ERAP1: variants seen among roughly 807,000 people sequenced by gnomAD.
ERAP1 encodes the protein adipocyte-derived leucine aminopeptidase.
Under a neutral mutation model 103.7 loss-of-function variants are expected in ERAP1, and 86 were observed. The observed-to-expected ratio is 0.83, with a 90% CI of 0.70 to 0.99. ERAP1 has a LOEUF of 0.99. Ranked by LOEUF, ERAP1 falls within the 50% of genes least tolerant of loss-of-function variation. The probability of loss-of-function intolerance (pLI) is 0.00; values close to 1 mark genes in which losing one functional copy is unlikely to be tolerated. For missense variants in ERAP1, 1,009 were observed against 1,128.4 expected, an observed-to-expected ratio of 0.89 and a Z score of 1.52; for synonymous variants, 398 against 402.4, an observed-to-expected ratio of 0.99 and a Z score of 0.13.
At chr5:96,909,052 T>C in the ERAP1 span, 4 of 1,614,184 alleles carry the variant, frequency 2.5e-6, no homozygotes, top group South Asian at 4.4e-5. Context: ...AGGTCTGAGT[T>C]ACTTGGAATC....
chr5:96,932,943 C>T, the ERAP1 span, among the ~76,000 whole-genome samples: 2 of 152,006 alleles, frequency 1.3e-5, no homozygotes, highest in Non-Finnish European at 2.9e-5. Context: ...GATAATGAAT[C>T]GTAACTTCAT....
chr5:96,802,583 C>T (rs994893736), intron 2 of ERAP1, among the ~76,000 whole-genome samples: 3 of 152,136 alleles, frequency 2.0e-5, no homozygotes, highest in African/African-American at 7.2e-5. Flanking sequence ...AGCATAAAAT[C>T]TCCCCCAAAT....
chr5:96,896,991 G>A, the ERAP1 span: 1 of 349,318 alleles, frequency 2.9e-6, no homozygotes, highest in Non-Finnish European at 3.9e-6. Context: ...TGTTGTCATG[G>A]TCTATAGAAG....
intron 1 of ERAP1, among the ~76,000 whole-genome samples, 135 bp downstream of exon 1, chr5:96,807,708 TCCCGCGCCCCGTCTCCC>T (rs1778804197): frequency 6.6e-6 from 1 of 151,692 alleles, no homozygotes; most frequent in Middle Eastern, 3.2e-3. Context: ...GTCGCCTTCC[TCCCGCGCCCCGTCTCCC>T]TCCTCCCGTG....
the ERAP1 span, among the ~76,000 whole-genome samples, chr5:96,894,473 C>T: frequency 6.6e-6 from 1 of 151,730 alleles, no homozygotes. Flanking sequence ...AGCTTTGGTC[C>T]GTCTAGAGAT....
chr5:96,870,647 G>A, the ERAP1 span, among the ~76,000 whole-genome samples: 1 of 152,174 alleles, frequency 6.6e-6, no homozygotes, highest in African/African-American at 2.4e-5. Flanking sequence ...AATAAACCCA[G>A]TTGGTTCAAA....
At chr5:96,797,847 A>T (rs897554808) in intron 3 of ERAP1, among the ~76,000 whole-genome samples, 2 of 152,220 alleles carry the variant, frequency 1.3e-5, no homozygotes, top group Non-Finnish European at 2.9e-5. Context: ...GTGGATTGAT[A>T]ACACGGATGA....
chr5:96,914,148 T>TCTCACACACACA, the ERAP1 span, among the ~76,000 whole-genome samples: 7 of 147,982 alleles, frequency 4.7e-5, no homozygotes, highest in Admixed American at 2.0e-4. Flanking sequence ...TCTCTCTCTC[T>TCTCACACACACA]CACACACACA....
chr5:96,870,032 C>T, the ERAP1 span, among the ~76,000 whole-genome samples: 4 of 151,992 alleles, frequency 2.6e-5, no homozygotes, highest in South Asian at 8.3e-4. Context: ...AGTTGGAAAC[C>T]CAAAGAGGTG....
chr5:96,828,239 T>C, the ERAP1 span, among the ~76,000 whole-genome samples: 10 of 152,166 alleles, frequency 6.6e-5, no homozygotes, highest in Admixed American at 5.2e-4. Flanking sequence ...TATCGGTCTT[T>C]TGTGGGTCAT....
chr5:96,897,185 C>A, the ERAP1 span, among the ~76,000 whole-genome samples: 1 of 152,144 alleles, frequency 6.6e-6, no homozygotes, highest in South Asian at 2.1e-4. Flanking sequence ...TAATCTCTGG[C>A]AAATTTTAAG....
the ERAP1 span, among the ~76,000 whole-genome samples, chr5:96,874,252 A>G: frequency 6.0e-3 from 920 of 152,332 alleles, 5 homozygotes; most frequent in Non-Finnish European, 1.0e-2. Flanking sequence ...TAAATAAGCT[A>G]CAAGTACTTG....
rs147242644 is a variant in ERAP1 at position 96,780,472 on chromosome 5, A to G, written c.2621T>C (p.Met874Thr). 1 of 1,613,454 alleles carries G rather than the reference A, an allele frequency of 6.2e-7. No individual in the cohort carries two copies. The highest frequency in any genetic ancestry group is 8.5e-7 in the Non-Finnish European group (1 of 1,179,740). The change falls in exon 18 of 19, where the codon ATG becomes ACG. Residue 874 changes from methionine to threonine, a missense_variant. Met to Thr is a moderately conservative substitution (Grantham distance 81). This residue lies in a region of ERAP1 where 611 missense variants were observed against 651.7 expected (regional missense o/e 0.94). Coordinates refer to ENST00000443439, the MANE Select transcript of ERAP1 (RefSeq NM_001040458.3). ...GAATTGATTTGTTGTACCCATTACCATGTGGGCTATGGAAGATGAGCCAAG... is the reference window on the plus strand; with the variant it reads ...GAATTGATTTGTTGTACCCATTACCGTGTGGGCTATGGAAGATGAGCCAAG... ...FELGSSSIAH[M>T]VMGTTNQFST...
intron 8 of ERAP1, among the ~76,000 whole-genome samples, 169 bp downstream of exon 8, chr5:96,791,892 A>C (rs1386170276): frequency 6.6e-6 from 1 of 152,262 alleles, no homozygotes; most frequent in Non-Finnish European, 1.5e-5. Context: ...CTTTAGGGTT[A>C]TGAGCCAAAC....
downstream of ERAP1, chr5:96,773,488 C>A (rs1773194090): frequency 6.6e-6 from 1 of 152,282 alleles, no homozygotes; most frequent in Non-Finnish European, 1.5e-5. Context: ...AAAACCTGAG[C>A]AGCAACTGTG....
the ERAP1 span, among the ~76,000 whole-genome samples, chr5:96,830,444 C>T: frequency 5.3e-5 from 8 of 152,140 alleles, no homozygotes; most frequent in Non-Finnish European, 1.0e-4. Context: ...CAAGGATGCT[C>T]ATTGCATTAT....
chr5:96,927,473 A>C, the ERAP1 span, among the ~76,000 whole-genome samples: 5 of 150,128 alleles, frequency 3.3e-5, no homozygotes, highest in African/African-American at 7.3e-5. Context: ...TAATATTCAG[A>C]TCCTTTGCTA....
chr5:96,771,744 T>G, downstream of ERAP1: 9 of 1,250,886 alleles, frequency 7.2e-6, no homozygotes, highest in South Asian at 1.1e-4. Flanking sequence ...AACTGTATCT[T>G]CTGCCAATTT....
chr5:96,762,123 A>G (rs1488232476), exon 20 of ERAP1: 4 of 457,202 alleles, frequency 8.7e-6, no homozygotes, highest in Non-Finnish European at 1.6e-5. Flanking sequence ...AAGAATTTAA[A>G]TTTCTTTTAA....
Sources: gnomAD v4.1 joint callset for allele counts (sites outside exome capture counted in the v4.1 genomes callset) on GRCh38, gnomAD v4.1.1 for gene constraint, gnomAD v4.1.1 regional missense constraint, MANE v1.5 for transcripts, NCBI Gene and HGNC (gene_info 2026-07-23, HGNC 2026-07-21) for gene names.